The following ZC3H7A variants were observed in gnomAD, a reference collection of about 807,000 sequenced individuals.
ZC3H7A encodes zinc finger CCCH domain-containing protein 7A.
ZC3H7A carries 44 observed loss-of-function variants against 125.5 expected under a neutral mutation model. That is an observed-to-expected ratio of 0.35 (90% CI 0.28 to 0.45). ZC3H7A has a LOEUF of 0.45. Among genes scored for constraint, ZC3H7A ranks in the 20% least tolerant of loss-of-function variants. The probability of loss-of-function intolerance (pLI) is 1.00; values close to 1 mark genes in which losing one functional copy is unlikely to be tolerated. For missense variants in ZC3H7A, 977 were observed against 1,170.7 expected (o/e 0.83, Z 2.41); for synonymous variants, 399 against 391.2 (o/e 1.02, Z -0.23).
chr16:11,765,752 G>GAGTAC lies in ZC3H7A; in HGVS notation c.1523-68_1523-67insGTACT. ...TTGGCCTGTACTCCCAGCTACTTGG[G>GAGTAC]AGGCTGAGGTGGGAGGATCCCTTGA... On this transcript the variant is annotated intron_variant, in intron 13 of 22. Coordinates refer to ENST00000355758, the MANE Select transcript of ZC3H7A (RefSeq NM_014153.4). This position sits in a 1 kb window ranked among gnomAD's most constrained non-coding sequence, Gnocchi z 4.8. 6.7e-7 allele frequency: 1 copy of GAGTAC among 1,499,666 alleles called. No individual in the cohort carries two copies. Among genetic ancestry groups the GAGTAC allele is most frequent in the Non-Finnish European group, 9.0e-7 (1 of 1,108,030 alleles). 92.9% of individuals were successfully genotyped at this position (1,499,666 alleles called of 1,614,324 possible).
chr16:11,776,230 A>G (rs2053077886), intron 7 of ZC3H7A, 90 bp downstream of exon 7: 1 of 1,343,678 alleles, frequency 7.4e-7, no homozygotes, highest in Non-Finnish European at 1.0e-6. Flanking sequence ...GGTTCCAAAA[A>G]TAAACACACA....
chr16:11,770,950 C>A lies in ZC3H7A; in HGVS notation c.941G>T (p.Ser314Ile). The part of the protein sequence containing the change: ...ALVRGPLQTA[S>I]VSPSMPFSAS... ...CGAAAAGGGCATGCTAGGAGAGACA[C>A]TGGCTGTCTGAAGGGGTCCTCTGAC... Residue 314 changes from serine (S) to isoleucine (I), a missense_variant, in exon 10 of 23, where the codon AGT (serine) becomes ATT (isoleucine). Physicochemically the swap from Ser to Ile is moderately radical, Grantham distance 142. Coordinates refer to ENST00000355758, the MANE Select transcript of ZC3H7A (RefSeq NM_014153.4). 1 of 1,613,528 alleles carries A rather than the reference C, an allele frequency of 6.2e-7. No individual in the cohort carries two copies. Among genetic ancestry groups the A allele is most frequent in the Admixed American group, 1.7e-5 (1 of 59,918 alleles).
At chr16:11,766,895 G>A (rs1276611593) in intron 13 of ZC3H7A, among the ~76,000 whole-genome samples, 1 of 151,962 alleles carries the variant, frequency 6.6e-6, no homozygotes, top group Non-Finnish European at 1.5e-5. Context: ...AAAAGAAAAA[G>A]TTAAATACAA....
chr16:11,774,760 G>A (rs556693429), intron 8 of ZC3H7A, among the ~76,000 whole-genome samples: 2 of 152,272 alleles, frequency 1.3e-5, no homozygotes, highest in African/African-American at 2.4e-5. Flanking sequence ...AGGCCACAGT[G>A]GGTGTCAGTG....
chr16:11,761,038 C>T (rs2052744424), intron 19 of ZC3H7A, among the ~76,000 whole-genome samples: 1 of 152,158 alleles, frequency 6.6e-6, no homozygotes, highest in Admixed American at 6.6e-5. Context: ...TCATCAATAG[C>T]ATTCATAATA....
intron 19 of ZC3H7A, among the ~76,000 whole-genome samples, chr16:11,760,137 A>AAAAAAAAAAAAAAAAAAG (rs1555493879): frequency 5.8e-5 from 8 of 137,732 alleles, no homozygotes; most frequent in Non-Finnish European, 8.1e-5. Context: ...AAAAAAAAAA[A>AAAAAAAAAAAAAAAAAAG]AAAAAAAAGA....
chr16:11,794,197 C>T (rs2053397451), intron 1 of ZC3H7A, among the ~76,000 whole-genome samples: 1 of 152,228 alleles, frequency 6.6e-6, no homozygotes, highest in South Asian at 2.1e-4. Flanking sequence ...CCGATGAAGT[C>T]TTCCCAACCA....
intron 11 of ZC3H7A, among the ~76,000 whole-genome samples, chr16:11,768,754 A>G (rs1436984024): frequency 6.6e-6 from 1 of 152,088 alleles, no homozygotes; most frequent in African/African-American, 2.4e-5. Context: ...AAAAGTACAC[A>G]CGCTTTACAT....
At chr16:11,771,304 C>T (rs2141190139) in intron 9 of ZC3H7A, among the ~76,000 whole-genome samples, 1 of 151,850 alleles carries the variant, frequency 6.6e-6, no homozygotes, top group South Asian at 2.1e-4. Flanking sequence ...AGGAGAATTG[C>T]TTGAACCCAG....
chr16:11,766,838 G>A (rs1167207446), intron 13 of ZC3H7A, among the ~76,000 whole-genome samples: 1 of 152,144 alleles, frequency 6.6e-6, no homozygotes, highest in East Asian at 1.9e-4. Context: ...AGCCGAGATT[G>A]CGCCACTACA....
At position 11,774,476 on chromosome 16, in the gene ZC3H7A, T is replaced by G. The variant is rs1379381395; in HGVS notation, c.663A>C (p.Leu221Phe). The G allele has an allele frequency of 6.3e-7, 1 of 1,582,400 alleles. No individual in the cohort carries two copies. The highest frequency in any genetic ancestry group is 8.6e-7 in the Non-Finnish European group (1 of 1,161,562). The change falls in exon 9 of 23, where the codon TTA becomes TTC. Residue 221 changes from leucine to phenylalanine, a missense_variant. Coordinates refer to ENST00000355758, the MANE Select transcript of ZC3H7A (RefSeq NM_014153.4). ...PRQEAVPVVS[L>F]PAPSFSHEVG... Reference sequence around the variant, plus strand: ...CTTCATGAGAAAAACTGGGTGCCGGTAAAGAGACAACAGGAACTGCTTCTT... The same window carrying G: ...CTTCATGAGAAAAACTGGGTGCCGGGAAAGAGACAACAGGAACTGCTTCTT...
rs2053040978 is a variant in ZC3H7A at position 11,774,249 on chromosome 16, T to C, written c.890A>G (p.Asn297Ser). 6.3e-7 allele frequency: 1 copy of C among 1,585,242 alleles called. No homozygotes were observed. The highest frequency in any genetic ancestry group is 8.6e-7 in the Non-Finnish European group (1 of 1,161,808). ...DDLLDSAPET[N>S]ETVMPSALVR... ...ACTGAAACTTACCATAACAGTTTCA[T>C]TAGTTTCAGGTGCAGAATCAAGCAG... is the stretch of plus-strand genomic sequence containing the variant. Residue 297 changes from asparagine to serine, a missense_variant, in exon 9 of 23, where the codon AAT becomes AGT. Asn to Ser is a conservative substitution (Grantham distance 46). Coordinates refer to ENST00000355758, the MANE Select transcript of ZC3H7A (RefSeq NM_014153.4).
chr16:11,755,400 G>T (rs1478096513), intron 21 of ZC3H7A, among the ~76,000 whole-genome samples: 4 of 152,120 alleles, frequency 2.6e-5, no homozygotes, highest in Admixed American at 2.0e-4. Context: ...GTGGGCTCAA[G>T]ATATTTGTTA....
At position 11,781,426 on chromosome 16, in the gene ZC3H7A, G is replaced by T. The variant is rs752702153; in HGVS notation, c.107C>A (p.Ala36Glu). ...LSYPGTQEQY[A>E]VYLRALVRNL... ...AGCAGACCTTCCCGGAGTCATTACC[G>T]CATATTGCTCCTGTGTTCCTGGATA... The change falls in exon 3 of 23, where the codon GCG becomes GAG. Residue 36 changes from alanine to glutamate, a missense_variant and splice_region_variant. Around this residue, in one of 3 missense-constraint regions of ZC3H7A, gnomAD observed 199 missense variants for 256.1 expected, o/e 0.78. Coordinates refer to ENST00000355758, the MANE Select transcript of ZC3H7A (RefSeq NM_014153.4). The T allele has an allele frequency of 1.2e-6, 2 of 1,605,506 alleles. No individual in the cohort carries two copies. Among genetic ancestry groups the T allele is most frequent in the Admixed American group, 1.7e-5 (1 of 59,904 alleles).
At chr16:11,791,426 C>T (rs908137063) in intron 1 of ZC3H7A, among the ~76,000 whole-genome samples, 2 of 152,130 alleles carry the variant, frequency 1.3e-5, no homozygotes, top group Non-Finnish European at 2.9e-5. Flanking sequence ...GCTTAAATAA[C>T]ACTGTTAGGT....
chr16:11,792,724 T>C (rs1427644441), intron 1 of ZC3H7A, among the ~76,000 whole-genome samples: 3 of 152,206 alleles, frequency 2.0e-5, no homozygotes, highest in Admixed American at 6.5e-5. Context: ...ACCTAGGAAG[T>C]AGCAGAGCTC....
At chr16:11,755,916 G>C (rs112923975) in intron 21 of ZC3H7A, among the ~76,000 whole-genome samples, 1 of 152,270 alleles carries the variant, frequency 6.6e-6, no homozygotes, top group Non-Finnish European at 1.5e-5. Context: ...TGTAATCCCA[G>C]CACTTTGGGA....
chr16:11,789,909 C>G (rs1232037951), intron 1 of ZC3H7A, among the ~76,000 whole-genome samples: 1 of 151,602 alleles, frequency 6.6e-6, no homozygotes, highest in Non-Finnish European at 1.5e-5. Flanking sequence ...GGTGAAACCC[C>G]ATCTCTACTA....
rs374785670 is a variant in ZC3H7A, at chr16:11,765,564, G to A, written c.1644C>T (p.Gly548=). The A allele has an allele frequency of 1.1e-5, 18 of 1,613,962 alleles. No homozygotes were observed. Among genetic ancestry groups the A allele is most frequent in the Middle Eastern group, 1.6e-4 (1 of 6,084 alleles). Reference sequence around the variant, plus strand: ...CAGTAAGGTTAATCTTTCCATTGCCGCCAAAGAAAGCCTCCCGGCTGAATG... The same window carrying A: ...CAGTAAGGTTAATCTTTCCATTGCCACCAAAGAAAGCCTCCCGGCTGAATG... ...KGAFSREAFF[G]GNGKINLTVF... The change falls in exon 14 of 23, where the codon GGC becomes GGT. Residue 548 remains glycine, a synonymous_variant. Coordinates refer to ENST00000355758, the MANE Select transcript of ZC3H7A (RefSeq NM_014153.4). This position sits in a 1 kb window ranked among gnomAD's most constrained non-coding sequence, Gnocchi z 4.8.
Sources: gnomAD v4.1 joint callset for allele counts (sites outside exome capture counted in the v4.1 genomes callset) on GRCh38, gnomAD v4.1.1 for gene constraint, gnomAD v4.1.1 regional missense constraint, Gnocchi (gnomAD v3.1) non-coding constraint, MANE v1.5 for transcripts, NCBI Gene and HGNC (gene_info 2026-07-23, HGNC 2026-07-21) for gene names.